RAD51D: variants seen among roughly 807,000 people sequenced by gnomAD.
RAD51D encodes the protein RAD51 paralog D, also known as DNA repair protein RAD51 homolog 4.
A neutral mutation model predicts 44.1 loss-of-function variants in RAD51D; 38 were observed. The observed-to-expected ratio is 0.86, with a 90% CI of 0.67 to 1.13. The LOEUF is 1.13. RAD51D is among the 50% of genes most tolerant of loss of function. RAD51D has a pLI of 0.00. For synonymous variants in RAD51D, 141 were observed against 166.6 expected (o/e 0.85, Z 1.18); for missense variants, 390 against 414.0 (o/e 0.94, Z 0.50).
chr17:35,092,956 G>C lies in RAD51D; in HGVS notation c.*7997C>G, dbSNP rs557809727. 6.6e-6 allele frequency: 1 copy of C among 152,254 alleles called. No homozygotes were observed. Among genetic ancestry groups the C allele is most frequent in the East Asian group, 1.9e-4 (1 of 5,182 alleles). The allele number at this position is 152,254 out of a possible 1,614,324, so 9.4% of individuals were successfully genotyped here. On this transcript the variant is annotated 3_prime_UTR_variant, in exon 10 of 10. Transcript: ENST00000345365. Reference sequence around the variant, plus strand: ...TTTGCAAGAAACAGTGCAAAATATGGGATGCTTGTTTAAAAATTAAGAACT... The same window carrying C: ...TTTGCAAGAAACAGTGCAAAATATGCGATGCTTGTTTAAAAATTAAGAACT...
Position 35,103,586 on chromosome 17 carries a change from C to G in RAD51D, c.577-42G>C, listed in dbSNP as rs2091566093. On this transcript the variant is annotated intron_variant, in intron 6 of 9. Transcript: ENST00000345365. The surrounding 1 kb of genome is among the most constrained non-coding windows in gnomAD (Gnocchi z 4.1). ...GAAGCACTCATGAACCTGTCAGCCT[C>G]TAGGACACATTACAGGACAAGCTTG... 1 of 1,483,890 alleles carries G rather than the reference C, an allele frequency of 6.7e-7. No homozygotes were observed. Among genetic ancestry groups the G allele is most frequent in the South Asian group, 1.1e-5 (1 of 88,108 alleles). 91.9% of individuals were successfully genotyped at this position (1,483,890 alleles called of 1,614,324 possible).
intron 3 of RAD51D, among the ~76,000 whole-genome samples, chr17:35,113,347 CA>C (rs2142454328): frequency 6.6e-6 from 1 of 152,318 alleles, no homozygotes; most frequent in South Asian, 2.1e-4. Flanking sequence ...CGGCTCACTG[CA>C]ACCTCCGCCT....
chr17:35,105,992 A>G, intron 6 of RAD51D: 2 of 414,104 alleles, frequency 4.8e-6, no homozygotes, highest in Admixed American at 5.2e-5. Context: ...CAAGAAAATC[A>G]GACACACAAA....
rs1158174876 is a variant in RAD51D, at chr17:35,115,919, G to GGAAA, written c.263+2581_263+2582insTTTC. On this transcript the variant is annotated intron_variant, in intron 3 of 9. Transcript: ENST00000345365. The stretch of plus-strand genomic sequence containing the variant: ...GGAAAGGAAGGAAGGAAGGAAGGAA[G>GGAAA]GAAGGAAGGAAGGAAGGAAGAAAGA... Among the ~76,000 whole-genome samples, 8 of 136,418 alleles carry GGAAA rather than the reference G, an allele frequency of 5.9e-5. 1 individual carries two copies. The highest frequency in any genetic ancestry group is 2.2e-4 in the African/African-American group (8 of 36,354). The allele number at this position is 136,418 out of a possible 152,430, so 89.5% of individuals were successfully genotyped here.
In RAD51D at chr17:35,119,132, C is replaced by G. The variant is rs2091788390; in HGVS notation, c.123G>C (p.Gln41His). 6.2e-7 allele frequency: 1 copy of G among 1,613,964 alleles called. No homozygotes were observed. The highest frequency in any genetic ancestry group is 8.5e-7 in the Non-Finnish European group (1 of 1,179,800). The change falls in exon 2 of 10, where the codon CAG becomes CAC. Residue 41 changes from glutamine (Q) to histidine (H), a missense_variant. By Grantham distance (24) the Gln-to-His change is conservative. Coordinates refer to ENST00000345365, the MANE Select transcript of RAD51D (RefSeq NM_002878.4). ...TCACCTTGTAAGACAAGCCACATTT[C>G]TGAGCTACCTCTTCCAGGTCTGCAG... Reference protein sequence around the residue: ...LVSADLEEVAQKCGLSYKALV... With the variant: ...LVSADLEEVAHKCGLSYKALV...
chr17:35,114,552 T>C (rs776709611), intron 3 of RAD51D, among the ~76,000 whole-genome samples: 1 of 151,918 alleles, frequency 6.6e-6, no homozygotes, highest in South Asian at 2.1e-4. Context: ...TAGCCAGGCA[T>C]GGTGGTGAGC....
Position 35,103,341 on chromosome 17 carries a change from A to T in RAD51D, c.668-17T>A, listed in dbSNP as rs2142419026. The T allele has an allele frequency of 1.2e-6, 2 of 1,612,872 alleles. No homozygotes were observed. Among genetic ancestry groups the T allele is most frequent in the Non-Finnish European group, 1.7e-6 (2 of 1,179,412 alleles). Reference sequence around the variant, plus strand: ...AGGCCAAGCCTGCAGGAGGAGGAGAAGCAGAGAGGGAGGGCAGTGGGGAAC... The same window carrying T: ...AGGCCAAGCCTGCAGGAGGAGGAGATGCAGAGAGGGAGGGCAGTGGGGAAC... On this transcript the variant is annotated splice_polypyrimidine_tract_variant and intron_variant, in intron 7 of 9. Transcript: ENST00000345365. This position sits in a 1 kb window ranked among gnomAD's most constrained non-coding sequence, Gnocchi z 4.1.
At position 35,096,311 on chromosome 17, in the gene RAD51D, A is replaced by G. The variant is rs2142400905; in HGVS notation, c.*4642T>C. On this transcript the variant is annotated 3_prime_UTR_variant, in exon 10 of 10. Coordinates refer to ENST00000345365, the MANE Select transcript of RAD51D (RefSeq NM_002878.4). ...TGGCTTCCCAAATTACTGGGATTAC[A>G]GTCAGGAGCCACAGTTCCTGGCATG... 1.3e-5 allele frequency: 2 copies of G among 152,310 alleles called. No individual in the cohort carries two copies. The highest frequency in any genetic ancestry group is 3.4e-3 in the Middle Eastern group (1 of 294). 9.4% of individuals were successfully genotyped at this position (152,310 alleles called of 1,614,324 possible).
In RAD51D at chr17:35,097,249, A is replaced by T. The variant is rs911251717; in HGVS notation, c.*3704T>A. The T allele has an allele frequency of 6.6e-6, 1 of 152,180 alleles. No individual in the cohort carries two copies. Among genetic ancestry groups the T allele is most frequent in the Middle Eastern group, 3.4e-3 (1 of 294 alleles). 9.4% of individuals were successfully genotyped at this position (152,180 alleles called of 1,614,324 possible). A position where few individuals can be genotyped will look rare whatever the true frequency, so the allele number is the denominator to read the frequency against. Reference sequence around the variant, plus strand: ...ATTCTCATGCCTCAGCCTCCCAAGTAGCTGGGATTACAGATGCGAGCCATC... The same window carrying T: ...ATTCTCATGCCTCAGCCTCCCAAGTTGCTGGGATTACAGATGCGAGCCATC... On this transcript the variant is annotated 3_prime_UTR_variant, in exon 10 of 10. Coordinates refer to ENST00000345365, the MANE Select transcript of RAD51D (RefSeq NM_002878.4).
chr17:35,115,550 C>T (rs962202873), intron 3 of RAD51D, among the ~76,000 whole-genome samples: 3 of 152,120 alleles, frequency 2.0e-5, no homozygotes, highest in Non-Finnish European at 2.9e-5. Context: ...TAAAGTTACA[C>T]CATTAACTGT....
At chr17:35,112,526 C>G (rs1187872184) in intron 3 of RAD51D, among the ~76,000 whole-genome samples, 5 of 151,976 alleles carry the variant, frequency 3.3e-5, no homozygotes, top group African/African-American at 1.2e-4. Context: ...TACAACCACC[C>G]ACCACCACGC....
intron 3 of RAD51D, among the ~76,000 whole-genome samples, chr17:35,111,475 G>T (rs557372538): frequency 3.3e-5 from 5 of 152,210 alleles, no homozygotes; most frequent in African/African-American, 1.2e-4. Context: ...TGGGGTGGAA[G>T]GATTGCCTGA....
At chr17:35,119,331 C>T in intron 1 of RAD51D, 159 bp from the exon 2 acceptor site, 1 of 898,530 alleles carries the variant, frequency 1.1e-6, no homozygotes, top group South Asian at 1.4e-5. Context: ...GGCGCGGTGC[C>T]CTGCACACAG....
chr17:35,103,225 A>C lies in RAD51D; in HGVS notation c.738+29T>G, dbSNP rs368960771. On this transcript the variant is annotated intron_variant, in intron 8 of 9. Transcript: ENST00000345365. The surrounding 1 kb of genome is among the most constrained non-coding windows in gnomAD (Gnocchi z 4.1). Reference sequence around the variant, plus strand: ...AAAGAGCTCGCAATAACTAGAAATCAAGTTCATTGGCCAAGCCTGCTTCCT... The same window carrying C: ...AAAGAGCTCGCAATAACTAGAAATCCAGTTCATTGGCCAAGCCTGCTTCCT... The C allele has an allele frequency of 3.5e-5, 55 of 1,586,936 alleles. No homozygotes were observed. Among genetic ancestry groups the C allele is most frequent in the Non-Finnish European group, 4.3e-5 (50 of 1,165,266 alleles).
intron 2 of RAD51D, among the ~76,000 whole-genome samples, 184 bp from the exon 3 acceptor site, chr17:35,118,803 C>T (rs996888274): frequency 2.2e-4 from 33 of 152,310 alleles, no homozygotes; most frequent in African/African-American, 7.5e-4. Context: ...AGTGCAGTAG[C>T]ACGATCTCGG....
chr17:35,110,343 C>T (rs1471574712), intron 3 of RAD51D, among the ~76,000 whole-genome samples: 1 of 152,030 alleles, frequency 6.6e-6, no homozygotes, highest in Non-Finnish European at 1.5e-5. Flanking sequence ...AGATACAAGT[C>T]CTTTGTTGAA....
Position 35,099,892 on chromosome 17 carries a change from CAG to C in RAD51D, c.*1059_*1060del, listed in dbSNP as rs1293483412. On this transcript the variant is annotated 3_prime_UTR_variant, in exon 10 of 10. Transcript: ENST00000345365. ...GGATGGCCACAGTGCTGGTGAAAGA[CAG>C]AGGGATTATTTCATACACTAGGGCA... The C allele has an allele frequency of 1.9e-6, 1 of 518,318 alleles. No homozygotes were observed. Among genetic ancestry groups the C allele is most frequent in the South Asian group, 1.5e-5 (1 of 65,014 alleles). 32.1% of individuals were successfully genotyped at this position (518,318 alleles called of 1,614,324 possible). A position where few individuals can be genotyped will look rare whatever the true frequency, so the allele number is the denominator to read the frequency against.
Position 35,119,674 on chromosome 17 carries a change from G to T in RAD51D, c.-61C>A, listed in dbSNP as rs564175393. The stretch of plus-strand genomic sequence containing the variant: ...CACGTCACGTGGGCATTCGCGGGGG[G>T]TCCTCTCCAGACGCCCCTCCCCTAC... On this transcript the variant is annotated 5_prime_UTR_variant, in exon 1 of 10. Coordinates refer to ENST00000345365, the MANE Select transcript of RAD51D (RefSeq NM_002878.4). 6.4e-6 allele frequency: 10 copies of T among 1,558,342 alleles called. No homozygotes were observed. The East Asian group carries it at 1.3e-4, about 21-fold the overall frequency.
In RAD51D at chr17:35,097,809, A is replaced by G. The variant is rs544321071; in HGVS notation, c.*3144T>C. 1 of 152,388 alleles carries G rather than the reference A, an allele frequency of 6.6e-6. No homozygotes were observed. The highest frequency in any genetic ancestry group is 2.1e-4 in the South Asian group (1 of 4,822). 9.4% of individuals were successfully genotyped at this position (152,388 alleles called of 1,614,324 possible). A position where few individuals can be genotyped will look rare whatever the true frequency, so the allele number is the denominator to read the frequency against. On this transcript the variant is annotated 3_prime_UTR_variant, in exon 10 of 10. Coordinates refer to ENST00000345365, the MANE Select transcript of RAD51D (RefSeq NM_002878.4). ...TACAAGTGAATAACTAATACAGGGAAGTTACTGTAAGCATCTATCTAGATC... is the reference window on the plus strand; with the variant it reads ...TACAAGTGAATAACTAATACAGGGAGGTTACTGTAAGCATCTATCTAGATC...
Sources: gnomAD v4.1 joint callset for allele counts (sites outside exome capture counted in the v4.1 genomes callset) on GRCh38, gnomAD v4.1.1 for gene constraint, Gnocchi (gnomAD v3.1) non-coding constraint, MANE v1.5 for transcripts, NCBI Gene and HGNC (gene_info 2026-07-23, HGNC 2026-07-21) for gene names.